CNOT1: variants seen among roughly 807,000 people sequenced by gnomAD.
The protein encoded by CNOT1 is CCR4-associated factor 1.
Under a neutral mutation model 273.8 loss-of-function variants are expected in CNOT1, and 15 were observed. That is an observed-to-expected ratio of 0.05 (90% CI 0.04 to 0.08). The LOEUF is 0.08. CNOT1 is among the 10% of genes least tolerant of loss of function. The pLI is 1.00. For synonymous variants in CNOT1, 1,022 were observed against 1,005.5 expected (o/e 1.02, Z -0.31); for missense variants, 1,644 against 2,912.2 (o/e 0.56, Z 10.02).
chr16:58,524,995 G>T (rs912857896), intron 46 of CNOT1, among the ~76,000 whole-genome samples, 184 bp downstream of exon 46: 1 of 152,074 alleles, frequency 6.6e-6, no homozygotes, highest in Non-Finnish European at 1.5e-5. Flanking sequence ...ATGCTTTTTT[G>T]TATTTCCTGC....
rs755778870 is a variant in CNOT1 at position 58,548,502 on chromosome 16, T to C, written c.3523-820A>G. The C allele has an allele frequency of 2.3e-5, 12 of 515,960 alleles. No homozygotes were observed. In the East Asian group the frequency reaches 6.0e-4, roughly 26 times the overall value. The allele number at this position is 515,960 out of a possible 1,614,324, so 32.0% of individuals were successfully genotyped here. ...AGATAATAAAAACGAAATAGAGCCATGTTCCTTAACTCTATACAGCAACAG... is the reference window on the plus strand; with the variant it reads ...AGATAATAAAAACGAAATAGAGCCACGTTCCTTAACTCTATACAGCAACAG... On this transcript the variant is annotated intron_variant, in intron 25 of 48. Transcript: ENST00000317147.
intron 16 of CNOT1, among the ~76,000 whole-genome samples, chr16:58,562,407 G>A (rs2040884792): frequency 1.3e-5 from 2 of 152,034 alleles, no homozygotes; most frequent in African/African-American, 4.8e-5. Context: ...GGGAGGCTGA[G>A]GCGGGAGGAG....
chr16:58,627,569 A>T (rs1402132843), intron 1 of CNOT1, among the ~76,000 whole-genome samples: 1 of 151,916 alleles, frequency 6.6e-6, no homozygotes, highest in Non-Finnish European at 1.5e-5. Context: ...TAATGACTTG[A>T]CTCCAAATAA....
Position 58,558,513 on chromosome 16 carries a change from A to C in CNOT1, c.2292T>G (p.Thr764=). ...FPPLSTPNQT[T]AFSGIGGLSS... Reference sequence around the variant, plus strand: ...AAAGTCCTCCAATACCACTGAATGCAGTGGTCTGATTGGGGGTTGAAAGGG... The same window carrying C: ...AAAGTCCTCCAATACCACTGAATGCCGTGGTCTGATTGGGGGTTGAAAGGG... The change falls in exon 18 of 49, where the codon ACT becomes ACG. Residue 764 remains threonine, a synonymous_variant. Coordinates refer to ENST00000317147, the MANE Select transcript of CNOT1 (RefSeq NM_016284.5). 1 of 1,613,930 alleles carries C rather than the reference A, an allele frequency of 6.2e-7. No homozygotes were observed. The highest frequency in any genetic ancestry group is 8.5e-7 in the Non-Finnish European group (1 of 1,179,928).
At chr16:58,564,027 C>G (rs186992660) in intron 16 of CNOT1, among the ~76,000 whole-genome samples, 10 of 152,144 alleles carry the variant, frequency 6.6e-5, no homozygotes, top group African/African-American at 2.4e-4. Flanking sequence ...TATTATGCAG[C>G]AAGTAAAAGA....
At chr16:58,521,092 T>C in intron 48 of CNOT1, 56 bp from the exon 49 acceptor site, 1 of 1,613,514 alleles carries the variant, frequency 6.2e-7, no homozygotes, top group Non-Finnish European at 8.5e-7. Context: ...TAACAATACC[T>C]TGCATCTCAT....
rs201410669 is a variant in CNOT1, at chr16:58,576,554, A to G, written c.1613T>C (p.Ile538Thr). The G allele has an allele frequency of 1.5e-5, 24 of 1,614,068 alleles. No individual in the cohort carries two copies. Among genetic ancestry groups the G allele is most frequent in the South Asian group, 2.2e-5 (2 of 91,088 alleles). ...QGQSPSIRQL[I>T]MHAMAEWYMR... ...GTACCATTCTGCCATTGCATGCATG[A>G]TAAGTTGGCGAATTGAGGGAGACTG... The change falls in exon 14 of 49, where the codon ATC (isoleucine) becomes ACC (threonine). Residue 538 changes from isoleucine to threonine, a missense_variant. Physicochemically the swap from Ile to Thr is moderately conservative, Grantham distance 89. Around this residue, in one of 13 missense-constraint regions of CNOT1, gnomAD observed 706 missense variants for 1,021.2 expected, o/e 0.69. Transcript: ENST00000317147.
intron 44 of CNOT1, among the ~76,000 whole-genome samples, chr16:58,526,511 T>TAAAAAA (rs57367601): frequency 3.7e-5 from 3 of 80,810 alleles, no homozygotes; most frequent in Admixed American, 2.8e-4. Context: ...ACTTACTCCT[T>TAAAAAA]AAAAAAAAAA....
At chr16:58,532,572 C>T (rs1023717709) in intron 40 of CNOT1, 177 bp from the exon 41 acceptor site, 1 of 1,112,476 alleles carries the variant, frequency 9.0e-7, no homozygotes, top group African/African-American at 1.6e-5. Context: ...TCTGACTCCG[C>T]CTTCAGTGTT....
In CNOT1 at chr16:58,547,825, A is replaced by C; in HGVS notation, c.3523-143T>G. The C allele has an allele frequency of 1.5e-6, 1 of 683,574 alleles. No homozygotes were observed. The highest frequency in any genetic ancestry group is 2.3e-6 in the Non-Finnish European group (1 of 432,284). 42.3% of individuals were successfully genotyped at this position (683,574 alleles called of 1,614,324 possible). Reference sequence around the variant, plus strand: ...GCCCCAAAGTAGAATTACTCTGTATATCATTCTCAATATCATTTTGCTGTG... The same window carrying C: ...GCCCCAAAGTAGAATTACTCTGTATCTCATTCTCAATATCATTTTGCTGTG... On this transcript the variant is annotated intron_variant, in intron 25 of 48. Transcript: ENST00000317147. This position sits in a 1 kb window ranked among gnomAD's most constrained non-coding sequence, Gnocchi z 4.0.
At chr16:58,542,594 TG>T in intron 31 of CNOT1, 26 bp from the exon 32 acceptor site, 8 of 42,142 alleles carry the variant, frequency 1.9e-4, no homozygotes, top group Non-Finnish European at 2.2e-4. Context: ...GGTGGGGGGG[TG>T]GGGGGAATAG....
chr16:58,612,695 T>C (rs1271717567), intron 1 of CNOT1, among the ~76,000 whole-genome samples: 2 of 152,104 alleles, frequency 1.3e-5, no homozygotes, highest in Non-Finnish European at 2.9e-5. Context: ...GCCGAGATCC[T>C]GCCACTGCAC....
In CNOT1 at chr16:58,576,523, T is replaced by C. The variant is rs2041463272; in HGVS notation, c.1644A>G (p.Arg548=). Residue 548 remains arginine (R), a synonymous_variant, in exon 14 of 49, where the codon AGA becomes AGG. Transcript: ENST00000317147. ...ATTTGGCCTGATCATACTGCTCCCC[T>C]CTCATGTACCATTCTGCCATTGCAT... ...IMHAMAEWYM[R]GEQYDQAKLS... is the part of the protein sequence containing the mutation. 6.2e-7 allele frequency: 1 copy of C among 1,614,054 alleles called. No homozygotes were observed. Among genetic ancestry groups the C allele is most frequent in the Admixed American group, 1.7e-5 (1 of 59,986 alleles).
intron 18 of CNOT1, 62 bp from the exon 19 acceptor site, chr16:58,557,055 T>A (rs1034487630): frequency 7.6e-6 from 12 of 1,570,608 alleles, no homozygotes; most frequent in South Asian, 1.2e-5. Flanking sequence ...TTTATTCACA[T>A]CTCAGATATA....
At chr16:58,531,706 A>T (rs1216850363) in intron 42 of CNOT1, among the ~76,000 whole-genome samples, 4 of 78,870 alleles carry the variant, frequency 5.1e-5, no homozygotes, top group African/African-American at 1.1e-4. Flanking sequence ...AAAAAACAAT[A>T]AAAAAAAACT....
At chr16:58,572,414 GC>G (rs2041306131) in intron 16 of CNOT1, among the ~76,000 whole-genome samples, 1 of 152,052 alleles carries the variant, frequency 6.6e-6, no homozygotes, top group African/African-American at 2.4e-5. Context: ...GTGGTAGGAT[GC>G]CTTGAGCCCA....
intron 2 of CNOT1, among the ~76,000 whole-genome samples, chr16:58,591,544 A>C (rs1381236509): frequency 6.6e-6 from 1 of 152,198 alleles, no homozygotes; most frequent in Non-Finnish European, 1.5e-5. Flanking sequence ...ACCTGAGGTC[A>C]GGAGTTCGAG....
rs779066631 is a variant in CNOT1, at chr16:58,521,284, T to G, written c.6951A>C (p.Pro2317=). The G allele has an allele frequency of 2.5e-6, 4 of 1,613,392 alleles. No individual in the cohort carries two copies. In the Admixed American group the frequency reaches 5.0e-5, roughly 20 times the overall value. ...VLLERLIVNR[P]HPWGLLITFI... ...AGGTAATAAGAAGACCCCAAGGATG[T>G]GGCCTATTTACAATCAACCGTTCCA... is the stretch of plus-strand genomic sequence containing the variant. The change falls in exon 48 of 49, where the codon CCA becomes CCC. Residue 2317 remains proline (P), a synonymous_variant. Coordinates refer to ENST00000317147, the MANE Select transcript of CNOT1 (RefSeq NM_016284.5).
In CNOT1 at chr16:58,586,632, G is replaced by A; in HGVS notation, c.550C>T (p.Leu184Phe). The A allele has an allele frequency of 6.2e-7, 1 of 1,613,072 alleles. No homozygotes were observed. The highest frequency in any genetic ancestry group is 1.1e-5 in the South Asian group (1 of 91,062). Residue 184 changes from leucine (L) to phenylalanine (F), a missense_variant, in exon 7 of 49, where the codon CTC (leucine) becomes TTC (phenylalanine). By Grantham distance (22) the Leu-to-Phe change is conservative (BLOSUM62 0). Transcript: ENST00000317147. ...QDIAIEVLHLLLSHLLFGQKG... is the reference protein window; with the variant it reads ...QDIAIEVLHLFLSHLLFGQKG... Reference sequence around the variant, plus strand: ...TGCCCAAAGAGGAGATGGGAGAGGAGGAGGTGTAGGACCTCTATTGCTATA... The same window carrying A: ...TGCCCAAAGAGGAGATGGGAGAGGAAGAGGTGTAGGACCTCTATTGCTATA...
Sources: gnomAD v4.1 joint callset for allele counts (sites outside exome capture counted in the v4.1 genomes callset) on GRCh38, gnomAD v4.1.1 for gene constraint, gnomAD v4.1.1 regional missense constraint, Gnocchi (gnomAD v3.1) non-coding constraint, MANE v1.5 for transcripts, NCBI Gene and HGNC (gene_info 2026-07-23, HGNC 2026-07-21) for gene names.